PPWD1: variants seen among roughly 807,000 people sequenced by gnomAD.
PPWD1 encodes the protein peptidylprolyl isomerase domain and WD repeat containing 1.
In PPWD1, 43 loss-of-function variants were observed where a neutral mutation model predicts 68.8. That is an observed-to-expected ratio of 0.62 (90% CI 0.49 to 0.81). The LOEUF is 0.81. Ranked by LOEUF, PPWD1 falls within the 30% of genes least tolerant of loss-of-function variation. The probability of loss-of-function intolerance (pLI) is 0.00; values close to 1 mark genes in which losing one functional copy is unlikely to be tolerated. For synonymous variants in PPWD1, 232 were observed against 258.7 expected (o/e 0.90, Z 0.99); for missense variants, 672 against 804.8 (o/e 0.83, Z 2.00).
chr5:65,581,806 T>C (rs1452647538), intron 7 of PPWD1, among the ~76,000 whole-genome samples: 1 of 152,046 alleles, frequency 6.6e-6, no homozygotes, highest in Non-Finnish European at 1.5e-5. Flanking sequence ...CGAATTTTCT[T>C]TGAGTCTTAC....
intron 10 of PPWD1, 54 bp from the exon 11 acceptor site, chr5:65,587,199 A>T (rs2150613158): frequency 1.3e-6 from 2 of 1,509,028 alleles, no homozygotes; most frequent in East Asian, 4.7e-5. Flanking sequence ...ACCAGAGGAT[A>T]TAATTTAAAG....
At chr5:65,570,470 C>A in intron 4 of PPWD1, 1 of 378,536 alleles carries the variant, frequency 2.6e-6, no homozygotes, top group Non-Finnish European at 3.6e-6. Context: ...TTGTTTTAAG[C>A]ATGTCTTTTT....
At chr5:65,571,610 T>C (rs1302111800) in intron 4 of PPWD1, among the ~76,000 whole-genome samples, 2 of 152,222 alleles carry the variant, frequency 1.3e-5, no homozygotes, top group Admixed American at 6.5e-5. Context: ...TCTTTTCTTA[T>C]GTTTTGACAG....
intron 1 of PPWD1, among the ~76,000 whole-genome samples, chr5:65,564,743 C>A (rs979757056): frequency 6.6e-6 from 1 of 152,196 alleles, no homozygotes; most frequent in Non-Finnish European, 1.5e-5. Flanking sequence ...ACTTTGTACT[C>A]CACCCATTCT....
In PPWD1 at chr5:65,579,457, T is replaced by C; in HGVS notation, c.1194T>C (p.Ile398=). Residue 398 remains isoleucine (I), a synonymous_variant, in exon 7 of 11, where the codon ATT becomes ATC. Transcript: ENST00000261308. ...GGATTTTAGGCAAACAAGAAAATAT[T>C]AGAGTGATGCAATTGGCTTTGTTCC... ...CVRILGKQEN[I]RVMQLALFQG... 2 of 1,590,234 alleles carry C rather than the reference T, an allele frequency of 1.3e-6. No individual in the cohort carries two copies. Among genetic ancestry groups the C allele is most frequent in the South Asian group, 1.2e-5 (1 of 86,588 alleles).
intron 5 of PPWD1, among the ~76,000 whole-genome samples, chr5:65,574,060 C>A (rs1032876423): frequency 1.3e-5 from 2 of 152,142 alleles, no homozygotes; most frequent in Non-Finnish European, 2.9e-5. Flanking sequence ...GTTCTTTTGT[C>A]CTTGGCAGTG....
chr5:65,579,552 A>G lies in PPWD1; in HGVS notation c.1289A>G (p.Gln430Arg), dbSNP rs1189916884. ...EMKASENPVL[Q>R]NIQADPTIVC... The stretch of plus-strand genomic sequence containing the variant: ...AAAGCTTCTGAAAATCCTGTTCTTC[A>G]GAATATTCAAGCTGACCCAACAATA... The change falls in exon 7 of 11, where the codon CAG (glutamine) becomes CGG (arginine). Residue 430 changes from glutamine to arginine, a missense_variant. Gln to Arg is a conservative substitution (Grantham distance 43). Around this residue, in one of 2 missense-constraint regions of PPWD1, gnomAD observed 484 missense variants for 646.2 expected, o/e 0.75. Coordinates refer to ENST00000261308, the MANE Select transcript of PPWD1 (RefSeq NM_015342.4). 6.2e-7 allele frequency: 1 copy of G among 1,609,700 alleles called. No homozygotes were observed. The highest frequency in any genetic ancestry group is 1.1e-5 in the South Asian group (1 of 89,990).
intron 5 of PPWD1, among the ~76,000 whole-genome samples, chr5:65,575,453 A>G (rs1427247320): frequency 6.6e-6 from 1 of 152,190 alleles, no homozygotes; most frequent in African/African-American, 2.4e-5. Flanking sequence ...ATACCCTAAC[A>G]CACATACCTC....
chr5:65,578,808 G>GTATATATATATACATATATATGTGTA (rs1174295414), intron 6 of PPWD1, among the ~76,000 whole-genome samples: 2 of 123,148 alleles, frequency 1.6e-5, no homozygotes, highest in African/African-American at 3.2e-5. Context: ...ATATATATGT[G>GTATATATATATACATATATATGTGTA]TATATATATA....
chr5:65,587,536 T>A lies in PPWD1; in HGVS notation c.*140T>A. 1 of 714,326 alleles carries A rather than the reference T, an allele frequency of 1.4e-6. No homozygotes were observed. The highest frequency in any genetic ancestry group is 2.1e-6 in the Non-Finnish European group (1 of 486,232). The allele number at this position is 714,326 out of a possible 1,614,324, so 44.2% of individuals were successfully genotyped here. On this transcript the variant is annotated 3_prime_UTR_variant, in exon 11 of 11. Transcript: ENST00000261308. The stretch of plus-strand genomic sequence containing the variant: ...TTTTTGTATTTTTTATTAAAGGCTA[T>A]TTTTTAAAAATTACCTTTGACTTTT...
At chr5:65,570,858 T>C (rs1279631479) in intron 4 of PPWD1, among the ~76,000 whole-genome samples, 3 of 152,080 alleles carry the variant, frequency 2.0e-5, no homozygotes, top group Admixed American at 2.0e-4. Flanking sequence ...AATTACCTCC[T>C]GAAGACCATG....
In PPWD1 at chr5:65,587,236, T is replaced by C. The variant is rs1211078235; in HGVS notation, c.1798-17T>C. 1 of 1,584,740 alleles carries C rather than the reference T, an allele frequency of 6.3e-7. No homozygotes were observed. The highest frequency in any genetic ancestry group is 8.6e-7 in the Non-Finnish European group (1 of 1,165,908). ...AATTGGGGTTTACCAAGATTTTCCA[T>C]TTGTCCTCCAACACAGCCTTGGCTT... On this transcript the variant is annotated splice_polypyrimidine_tract_variant and intron_variant, in intron 10 of 10. Coordinates refer to ENST00000261308, the MANE Select transcript of PPWD1 (RefSeq NM_015342.4).
chr5:65,584,927 G>A, intron 8 of PPWD1, 87 bp from the exon 9 acceptor site: 2 of 1,485,188 alleles, frequency 1.3e-6, no homozygotes, highest in Non-Finnish European at 1.8e-6. Context: ...ACATGGAAAG[G>A]AAACATCATT....
At chr5:65,578,690 G>A (rs1300496064) in intron 6 of PPWD1, among the ~76,000 whole-genome samples, 2 of 147,528 alleles carry the variant, frequency 1.4e-5, no homozygotes, top group Non-Finnish European at 3.0e-5. Context: ...TCTTATTGTT[G>A]TGTTTTAAGA....
intron 9 of PPWD1, 65 bp downstream of exon 9, chr5:65,585,160 C>T (rs978710646): frequency 1.0e-4 from 151 of 1,440,144 alleles, no homozygotes; most frequent in Non-Finnish European, 1.3e-4. Context: ...GAGATTTAAG[C>T]GCAAGGAATC....
chr5:65,566,995 A>C (rs77792975), intron 1 of PPWD1, among the ~76,000 whole-genome samples: 1 of 152,206 alleles, frequency 6.6e-6, no homozygotes, highest in South Asian at 2.1e-4. Context: ...ATAAAAATCT[A>C]AGAATTTTAC....
intron 10 of PPWD1, 100 bp downstream of exon 10, chr5:65,586,281 TA>T (rs770151198): frequency 8.8e-7 from 1 of 1,134,692 alleles, no homozygotes; most frequent in Non-Finnish European, 1.2e-6. Flanking sequence ...TTTTCTGCAT[TA>T]TTTATATCAT....
intron 2 of PPWD1, chr5:65,568,886 C>T (rs1752886874): frequency 8.8e-6 from 4 of 455,246 alleles, no homozygotes; most frequent in South Asian, 6.2e-5. Flanking sequence ...ACTCTCTTCT[C>T]AAATATTTTT....
At chr5:65,573,516 G>GTTTGTTTTTTTTTTT (rs1753122949) in intron 5 of PPWD1, among the ~76,000 whole-genome samples, 5 of 15,438 alleles carry the variant, frequency 3.2e-4, no homozygotes, top group African/African-American at 1.1e-3. Flanking sequence ...AGTACAGATG[G>GTTTGTTTTTTTTTTT]TTTTTTTTTT....
Sources: gnomAD v4.1 joint callset for allele counts (sites outside exome capture counted in the v4.1 genomes callset) on GRCh38, gnomAD v4.1.1 for gene constraint, gnomAD v4.1.1 regional missense constraint, MANE v1.5 for transcripts, NCBI Gene and HGNC (gene_info 2026-07-23, HGNC 2026-07-21) for gene names.